The following DIP2C variants were observed in gnomAD, a reference collection of about 807,000 sequenced individuals.
DIP2C encodes DIP2 acetate--CoA ligase C (putative).
DIP2C carries 33 observed loss-of-function variants against 192.4 expected under a neutral mutation model. The ratio of observed to expected loss-of-function variants is 0.17; its 90% confidence interval spans 0.13 to 0.23. The LOEUF (loss-of-function observed/expected upper bound fraction) is 0.23. Ranked by LOEUF, DIP2C falls within the 10% of genes least tolerant of loss-of-function variation. DIP2C has a pLI of 1.00. For synonymous variants in DIP2C, 979 were observed against 864.1 expected (o/e 1.13, Z -2.33); for missense variants, 1,537 against 2,110.1 (o/e 0.73, Z 5.32).
intron 6 of DIP2C, among the ~76,000 whole-genome samples, chr10:417,479 C>A (rs1965720104): frequency 6.6e-6 from 1 of 152,210 alleles, no homozygotes; most frequent in African/African-American, 2.4e-5. Context: ...AAAAGGCATT[C>A]CAGGAAAAGT....
In DIP2C at chr10:384,112, A is replaced by G; in HGVS notation, c.1791T>C (p.His597=). The G allele has an allele frequency of 6.2e-7, 1 of 1,610,510 alleles. No homozygotes were observed. Residue 597 remains histidine (H), a synonymous_variant, in exon 16 of 37, where the codon CAT becomes CAC. Transcript: ENST00000280886. ...GATCTCTGTGTGCTACTAATGCCCA[A>G]TGCATATCCCTCGATTTCACACACG... ...KVACVKSRDM[H]WALVAHRDQR...
intron 1 of DIP2C, among the ~76,000 whole-genome samples, chr10:678,588 C>T (rs1363065542): frequency 2.0e-5 from 3 of 146,408 alleles, no homozygotes; most frequent in African/African-American, 7.7e-5. Context: ...CTCCCTGCAG[C>T]CATGCTCCCC....
At chr10:283,888 C>T (rs1442008828) in intron 34 of DIP2C, among the ~76,000 whole-genome samples, 1 of 152,082 alleles carries the variant, frequency 6.6e-6, no homozygotes, top group African/African-American at 2.4e-5. Flanking sequence ...TGCAATAAAA[C>T]AACACACAGA....
intron 3 of DIP2C, among the ~76,000 whole-genome samples, chr10:465,664 T>C (rs1270224992): frequency 5.9e-5 from 9 of 152,136 alleles, no homozygotes; most frequent in Non-Finnish European, 1.2e-4. Context: ...AAAATCTCCT[T>C]AAGCTGATAA....
intron 3 of DIP2C, among the ~76,000 whole-genome samples, chr10:444,395 TGAG>T (rs1967988409): frequency 8.5e-6 from 1 of 117,608 alleles, no homozygotes; most frequent in Non-Finnish European, 1.6e-5. Flanking sequence ...TGTTCATTCA[TGAG>T]GAGTGTTCCT....
intron 3 of DIP2C, among the ~76,000 whole-genome samples, chr10:452,775 T>TC (rs1224989624): frequency 1.3e-5 from 2 of 152,140 alleles, no homozygotes; most frequent in African/African-American, 4.8e-5. Flanking sequence ...TCTTATGACA[T>TC]CCAGCTTAAA....
At chr10:280,397 AC>A (rs1336706824) in intron 36 of DIP2C, among the ~76,000 whole-genome samples, 2 of 152,128 alleles carry the variant, frequency 1.3e-5, no homozygotes, top group Non-Finnish European at 1.5e-5. Flanking sequence ...CTCAGTTAGC[AC>A]CCGGTCTGTT....
chr10:581,100 C>A (rs961233955), intron 1 of DIP2C, among the ~76,000 whole-genome samples: 3 of 152,180 alleles, frequency 2.0e-5, no homozygotes, highest in Non-Finnish European at 2.9e-5. Context: ...TTTCTAGGAG[C>A]GATGTCTGGC....
intron 1 of DIP2C, among the ~76,000 whole-genome samples, chr10:671,772 G>A (rs1208032749): frequency 2.2e-5 from 2 of 90,752 alleles, no homozygotes; most frequent in Non-Finnish European, 4.2e-5. Context: ...CGGAGGAAAC[G>A]CCACAGACGC....
chr10:439,101 C>T (rs1967509515), intron 4 of DIP2C, among the ~76,000 whole-genome samples: 1 of 152,172 alleles, frequency 6.6e-6, no homozygotes, highest in African/African-American at 2.4e-5. Context: ...CTGCCCTGGA[C>T]TCCCAAAGTG....
intron 3 of DIP2C, among the ~76,000 whole-genome samples, chr10:464,284 TAAAC>T (rs535431192): frequency 1.5e-3 from 232 of 151,430 alleles, no homozygotes; most frequent in African/African-American, 4.9e-3. Flanking sequence ...ACAAAGAACT[TAAAC>T]AAATTTACAA....
intron 29 of DIP2C, 116 bp from the exon 30 acceptor site, chr10:329,717 T>C (rs934500884): frequency 2.8e-5 from 36 of 1,308,624 alleles, no homozygotes; most frequent in Non-Finnish European, 3.5e-5. Context: ...GAACAGCCCG[T>C]GCTGCCATCT....
intron 31 of DIP2C, among the ~76,000 whole-genome samples, chr10:310,837 T>C (rs1457501557): frequency 6.6e-6 from 1 of 152,090 alleles, no homozygotes; most frequent in Non-Finnish European, 1.5e-5. Context: ...CAAACCAAAA[T>C]TGTACACTCA....
At position 591,707 on chromosome 10, in the gene DIP2C, T is replaced by C. The variant is rs1220893753; in HGVS notation, c.85+97787A>G. Among the ~76,000 whole-genome samples, 6 of 152,130 alleles carry C rather than the reference T, an allele frequency of 3.9e-5. No homozygotes were observed. The East Asian group carries it at 1.2e-3, about 29-fold the overall frequency. The stretch of plus-strand genomic sequence containing the variant: ...AGGACGAAGCCACCAGCTAGGGACA[T>C]GAAGGCAGGAACCACCAAGGTAACC... On this transcript the variant is annotated intron_variant, in intron 1 of 36. Transcript: ENST00000280886.
chr10:447,952 G>A (rs528795616), intron 3 of DIP2C, among the ~76,000 whole-genome samples: 161 of 121,926 alleles, frequency 1.3e-3, no homozygotes, highest in Middle Eastern at 0.016. Context: ...CAGTGGGGCA[G>A]CAGGACCCAA....
intron 7 of DIP2C, among the ~76,000 whole-genome samples, chr10:414,680 G>C (rs370701336): frequency 1.4e-5 from 2 of 144,084 alleles, no homozygotes; most frequent in South Asian, 4.5e-4. Flanking sequence ...GCACCACCAC[G>C]CCCAGCTAAT....
intron 1 of DIP2C, among the ~76,000 whole-genome samples, chr10:576,104 G>A (rs561660814): frequency 6.6e-4 from 101 of 152,282 alleles, no homozygotes; most frequent in Non-Finnish European, 1.2e-3. Flanking sequence ...GCTCCTGTAC[G>A]GGTTTGCTGA....
chr10:405,026 A>C (rs532047096), intron 9 of DIP2C, among the ~76,000 whole-genome samples: 40 of 152,360 alleles, frequency 2.6e-4, no homozygotes, highest in African/African-American at 9.1e-4. Flanking sequence ...AAACACCAGG[A>C]AACGTTAGAA....
At chr10:448,299 T>TCA (rs1419352937) in intron 3 of DIP2C, among the ~76,000 whole-genome samples, 1 of 63,924 alleles carries the variant, frequency 1.6e-5, no homozygotes, top group Non-Finnish European at 3.1e-5. Flanking sequence ...ACACAGTGGG[T>TCA]CAGCAGGACC....
Sources: gnomAD v4.1 joint callset for allele counts (sites outside exome capture counted in the v4.1 genomes callset) on GRCh38, gnomAD v4.1.1 for gene constraint, MANE v1.5 for transcripts, NCBI Gene and HGNC (gene_info 2026-07-23, HGNC 2026-07-21) for gene names.